The following GRID2 variants were observed in gnomAD, a reference collection of about 807,000 sequenced individuals.
GRID2 encodes glutamate ionotropic receptor delta type subunit 2, also known as glutamate receptor ionotropic, delta-2.
GRID2 carries 33 observed loss-of-function variants against 114.8 expected under a neutral mutation model. The observed-to-expected ratio is 0.29, with a 90% CI of 0.22 to 0.38. The LOEUF (loss-of-function observed/expected upper bound fraction) is 0.38. GRID2 is among the 10% of genes least tolerant of loss of function. GRID2 has a pLI of 1.00. For synonymous variants in GRID2, 505 were observed against 449.9 expected (o/e 1.12, Z -1.55); for missense variants, 1,184 against 1,257.7 (o/e 0.94, Z 0.89).
At position 92,411,685 on chromosome 4, in the gene GRID2, T is replaced by G. The variant is rs1341120649; in HGVS notation, c.88+106941T>G. On this transcript the variant is annotated intron_variant, in intron 1 of 15. Coordinates refer to ENST00000282020, the MANE Select transcript of GRID2 (RefSeq NM_001510.4). ...TATATATATATATATATATGAAATA[T>G]ACCCACAGTGTATTTCTTTTTTTTG... Among the ~76,000 whole-genome samples, 5 of 95,880 alleles carry G rather than the reference T, an allele frequency of 5.2e-5. No individual in the cohort carries two copies. In the East Asian group the frequency reaches 1.4e-3, roughly 26 times the overall value. 62.9% of individuals were successfully genotyped at this position (95,880 alleles called of 152,430 possible).
chr4:92,522,248 T>G (rs531084943), intron 1 of GRID2, among the ~76,000 whole-genome samples: 1 of 152,040 alleles, frequency 6.6e-6, no homozygotes, highest in East Asian at 1.9e-4. Flanking sequence ...GGTTAAATTG[T>G]GCCTTGCAAT....
chr4:93,515,397 G>C lies in GRID2; in HGVS notation c.2179G>C (p.Ala727Pro), dbSNP rs1253763788. ...GGAGAACAATGTTCTGGAGTCCCAG[G>C]CAGGCATTCAAAAGGTACTGTCCAT... ...GSENNVLESQAGIQKVKYGNY... is the reference protein window; with the variant it reads ...GSENNVLESQPGIQKVKYGNY... Residue 727 changes from alanine (A) to proline (P), a missense_variant, in exon 13 of 16, where the codon GCA (alanine) becomes CCA (proline). By Grantham distance (27) the Ala-to-Pro change is conservative. Coordinates refer to ENST00000282020, the MANE Select transcript of GRID2 (RefSeq NM_001510.4). 1 of 1,610,056 alleles carries C rather than the reference G, an allele frequency of 6.2e-7. No homozygotes were observed. The highest frequency in any genetic ancestry group is 8.5e-7 in the Non-Finnish European group (1 of 1,176,762).
intron 2 of GRID2, among the ~76,000 whole-genome samples, chr4:92,926,801 A>G (rs12645619): frequency 0.044 from 6,746 of 151,970 alleles, 264 homozygotes; most frequent in East Asian, 0.19. Flanking sequence ...TTCTTGCAGC[A>G]TCATATCATG....
chr4:93,205,618 A>C (rs1356238105), intron 4 of GRID2, among the ~76,000 whole-genome samples: 1 of 152,180 alleles, frequency 6.6e-6, no homozygotes, highest in African/African-American at 2.4e-5. Flanking sequence ...CGATAAACAT[A>C]CGTGTGCATG....
rs960954180 is a variant in GRID2 at position 93,236,969 on chromosome 4, A to G, written c.1126-1402A>G. On this transcript the variant is annotated intron_variant, in intron 7 of 15. Transcript: ENST00000282020. ...GTATTTAAGCTCTTACCACATGTCAAGAACTTTTCAATATTCTGTACATGT... is the reference window on the plus strand; with the variant it reads ...GTATTTAAGCTCTTACCACATGTCAGGAACTTTTCAATATTCTGTACATGT... Among the ~76,000 whole-genome samples, 67 of 152,068 alleles carry G rather than the reference A, an allele frequency of 4.4e-4. 1 individual carries two copies. Among genetic ancestry groups the G allele is most frequent in the African/African-American group, 1.6e-3 (67 of 41,440 alleles).
intron 10 of GRID2, among the ~76,000 whole-genome samples, chr4:93,441,183 G>T (rs984734722): frequency 6.6e-6 from 1 of 152,004 alleles, no homozygotes; most frequent in Non-Finnish European, 1.5e-5. Flanking sequence ...CCTGATCATG[G>T]TTTGGAGATA....
At chr4:92,703,605 TGAG>T (rs1034594327) in intron 2 of GRID2, among the ~76,000 whole-genome samples, 12 of 114,728 alleles carry the variant, frequency 1.0e-4, no homozygotes, top group Non-Finnish European at 1.7e-4. Flanking sequence ...ATTAATAAAA[TGAG>T]GAAAAACATT....
chr4:93,222,463 A>G (rs1473889071), intron 6 of GRID2, among the ~76,000 whole-genome samples: 1 of 150,596 alleles, frequency 6.6e-6, no homozygotes, highest in Non-Finnish European at 1.5e-5. Flanking sequence ...TTAAATATAT[A>G]TATATATATA....
At chr4:93,033,019 TA>T (rs2066623979) in intron 2 of GRID2, among the ~76,000 whole-genome samples, 1 of 152,198 alleles carries the variant, frequency 6.6e-6, no homozygotes, top group African/African-American at 2.4e-5. Flanking sequence ...TCAAATGACA[TA>T]AAGTAACACA....
chr4:92,468,077 G>C (rs938871716), intron 1 of GRID2, among the ~76,000 whole-genome samples: 12 of 151,808 alleles, frequency 7.9e-5, no homozygotes, highest in Non-Finnish European at 1.8e-4. Context: ...CATACTAAGA[G>C]GGATGCTATC....
chr4:92,680,153 G>A (rs772402011), intron 2 of GRID2, among the ~76,000 whole-genome samples: 1 of 152,070 alleles, frequency 6.6e-6, no homozygotes, highest in African/African-American at 2.4e-5. Context: ...CTAGCAAATT[G>A]TGAATGTAAA....
chr4:93,323,218 A>T (rs1219251314), intron 8 of GRID2, among the ~76,000 whole-genome samples: 5 of 152,024 alleles, frequency 3.3e-5, no homozygotes, highest in East Asian at 1.9e-4. Context: ...TGAATTAATT[A>T]TCGTATAAGG....
intron 1 of GRID2, among the ~76,000 whole-genome samples, chr4:92,330,458 A>G (rs1335864089): frequency 6.6e-6 from 1 of 152,214 alleles, no homozygotes; most frequent in East Asian, 1.9e-4. Context: ...ATTACAGATT[A>G]CCTCTACATG....
chr4:92,671,696 A>T (rs1733079321), intron 2 of GRID2, among the ~76,000 whole-genome samples: 1 of 152,116 alleles, frequency 6.6e-6, no homozygotes, highest in Non-Finnish European at 1.5e-5. Context: ...TAGGGAGGCA[A>T]ATGTACAATG....
chr4:93,680,812 C>T (rs1327941511), intron 14 of GRID2, among the ~76,000 whole-genome samples: 4 of 152,126 alleles, frequency 2.6e-5, no homozygotes, highest in Non-Finnish European at 5.9e-5. Flanking sequence ...ACAAACCCCA[C>T]AGCCAATATC....
intron 14 of GRID2, 29 bp from the exon 15 acceptor site, chr4:93,769,181 T>C (rs1200998585): frequency 6.2e-7 from 1 of 1,611,098 alleles, no homozygotes; most frequent in Non-Finnish European, 8.5e-7. Context: ...ATGTCTGTAA[T>C]AACACATGCT....
At chr4:92,399,170 T>A (rs989819735) in intron 1 of GRID2, among the ~76,000 whole-genome samples, 1 of 152,170 alleles carries the variant, frequency 6.6e-6, no homozygotes, top group Non-Finnish European at 1.5e-5. Flanking sequence ...ACTCTGTGAA[T>A]GAGCTCAGGT....
intron 2 of GRID2, among the ~76,000 whole-genome samples, chr4:92,679,295 G>A (rs1200606373): frequency 6.6e-6 from 1 of 151,852 alleles, no homozygotes; most frequent in Non-Finnish European, 1.5e-5. Flanking sequence ...CATCTTTCTA[G>A]CTTGTAAATA....
chr4:92,918,403 T>G (rs1291904215), intron 2 of GRID2, among the ~76,000 whole-genome samples: 1 of 152,194 alleles, frequency 6.6e-6, no homozygotes, highest in East Asian at 1.9e-4. Context: ...ATAGGAGTGG[T>G]GAGAGAGGGC....
Sources: allele counts gnomAD v4.1 joint callset (sites outside exome capture counted in the v4.1 genomes callset), GRCh38; gene constraint gnomAD v4.1.1; transcripts MANE v1.5; gene names NCBI Gene and HGNC (gene_info 2026-07-23, HGNC 2026-07-21).